Variants in MMP17 observed in about 807,000 individuals in gnomAD.
The protein encoded by MMP17 is matrix metallopeptidase 17.
MMP17 carries 54 observed loss-of-function variants against 49.1 expected under a neutral mutation model. The observed-to-expected ratio is 1.10, with a 90% CI of 0.88 to 1.38. The LOEUF (loss-of-function observed/expected upper bound fraction) is 1.38, where lower values mean the gene tolerates loss of function less well. MMP17 is among the 40% of genes most tolerant of loss of function. The pLI, the probability that MMP17 is intolerant of heterozygous loss-of-function variation, is 0.00. For synonymous variants in MMP17, 397 were observed against 383.1 expected, an observed-to-expected ratio of 1.04 and a Z score of -0.42; for missense variants, 837 against 853.7, an observed-to-expected ratio of 0.98 and a Z score of 0.24.
intron 1 of MMP17, among the ~76,000 whole-genome samples, chr12:131,834,277 C>G (rs966309751): frequency 6.6e-6 from 1 of 152,152 alleles, no homozygotes; most frequent in Non-Finnish European, 1.5e-5. Flanking sequence ...AGCCCCCTCC[C>G]GCCTCCTCCC....
chr12:131,844,726 G>A, intron 6 of MMP17: 1 of 273,058 alleles, frequency 3.7e-6, no homozygotes, highest in Non-Finnish European at 7.2e-6. Context: ...CTGACCTTCT[G>A]TCGCTACAGC....
Position 131,840,732 on chromosome 12 carries a change from T to C in MMP17, c.582T>C (p.His194=), listed in dbSNP as rs1887352078. Residue 194 remains histidine (H), a synonymous_variant, in exon 4 of 10, where the codon CAT becomes CAC. Transcript: ENST00000360564. ...DIQIDFSKAD[H]NDGYPFDGPG... ...AGATCGACTTCTCCAAGGCCGACCA[T>C]AACGACGGCTACCCCTTCGACGGCC... 1.2e-6 allele frequency: 2 copies of C among 1,604,474 alleles called. No homozygotes were observed. Among genetic ancestry groups the C allele is most frequent in the Non-Finnish European group, 1.7e-6 (2 of 1,179,906 alleles).
intron 3 of MMP17, chr12:131,840,264 A>G (rs1887313979): frequency 4.6e-5 from 14 of 307,480 alleles, no homozygotes; most frequent in East Asian, 1.1e-4. Context: ...GAGCAGGGGG[A>G]TGGGGCAGAC....
At chr12:131,840,056 G>A (rs1292191708) in intron 3 of MMP17, 1 of 152,996 alleles carries the variant, frequency 6.5e-6, no homozygotes, top group African/African-American at 2.4e-5. Flanking sequence ...CCAAAGTGCT[G>A]GGGTTACAAG....
Position 131,828,624 on chromosome 12 carries a change from C to A in MMP17, c.130C>A (p.Pro44Thr). 2.5e-6 allele frequency: 2 copies of A among 794,512 alleles called. No individual in the cohort carries two copies. Among genetic ancestry groups the A allele is most frequent in the Non-Finnish European group, 3.1e-6 (2 of 635,384 alleles). The allele number at this position is 794,512 out of a possible 1,614,324, so 49.2% of individuals were successfully genotyped here. A position where few individuals can be genotyped will look rare whatever the true frequency, so the allele number is the denominator to read the frequency against. Residue 44 changes from proline to threonine, a missense_variant, in exon 1 of 10, where the codon CCG (proline) becomes ACG (threonine). Physicochemically the swap from Pro to Thr is conservative, Grantham distance 38. Transcript: ENST00000360564. ...GGGCTGCGCCGCGCCCGCACCCGCG[C>A]CGCGCGCCGAGGACCTCAGCCTGGG... is the stretch of plus-strand genomic sequence containing the variant. The part of the protein sequence containing the change: ...RGGCAAPAPA[P>T]RAEDLSLGVE...
At chr12:131,837,233 C>T (rs961654682) in intron 1 of MMP17, among the ~76,000 whole-genome samples, 3 of 152,356 alleles carry the variant, frequency 2.0e-5, no homozygotes, top group African/African-American at 7.2e-5. Context: ...GACTGCCTTG[C>T]CCCAGGCACA....
At chr12:131,836,564 T>C (rs1021313822) in intron 1 of MMP17, among the ~76,000 whole-genome samples, 11 of 152,006 alleles carry the variant, frequency 7.2e-5, no homozygotes, top group African/African-American at 2.4e-4. Context: ...ACTACTAGTA[T>C]TTATTTTAAA....
At chr12:131,841,316 G>A (rs118090090) in intron 4 of MMP17, among the ~76,000 whole-genome samples, 2,804 of 152,332 alleles carry the variant, frequency 0.018, 33 homozygotes, top group Non-Finnish European at 0.024. Flanking sequence ...CAGGTCATCC[G>A]ACCGACACCT....
At chr12:131,845,675 A>G (rs761509142) in intron 8 of MMP17, among the ~76,000 whole-genome samples, 2 of 152,222 alleles carry the variant, frequency 1.3e-5, no homozygotes, top group Non-Finnish European at 2.9e-5. Flanking sequence ...AACGATGGAA[A>G]GCCCTGCCCT....
intron 4 of MMP17, among the ~76,000 whole-genome samples, chr12:131,841,160 A>G (rs1244911909): frequency 1.3e-5 from 2 of 152,040 alleles, no homozygotes; most frequent in African/African-American, 4.8e-5. Flanking sequence ...GCTCAGTGTC[A>G]CTCCCGCTAA....
chr12:131,841,585 C>A, intron 4 of MMP17, 39 bp from the exon 5 acceptor site: 2 of 1,610,534 alleles, frequency 1.2e-6, no homozygotes, highest in Non-Finnish European at 1.7e-6. Flanking sequence ...GGACAGGGCC[C>A]TTCTTGCCCT....
intron 1 of MMP17, among the ~76,000 whole-genome samples, chr12:131,833,186 CT>C (rs889917953): frequency 5.3e-5 from 8 of 152,238 alleles, no homozygotes; most frequent in African/African-American, 1.9e-4. Flanking sequence ...GCCAGGCACC[CT>C]CCAGCAGGGA....
chr12:131,838,352 AGCGCCGTGGCCCCCGTCAGGTCT>A (rs1887191992), intron 2 of MMP17, 25 bp downstream of exon 2: 1 of 1,609,138 alleles, frequency 6.2e-7, no homozygotes, highest in African/African-American at 1.3e-5. Flanking sequence ...GGGCAGCGGG[AGCGCCGTGGCCCCCGTCAGGTCT>A]GCGCCCGTCG....
chr12:131,830,251 C>A (rs1165106406), intron 1 of MMP17, among the ~76,000 whole-genome samples: 1 of 152,268 alleles, frequency 6.6e-6, no homozygotes, highest in Non-Finnish European at 1.5e-5. Context: ...GTCAGGCGCC[C>A]TCCTCTCGGC....
At chr12:131,838,357 C>A in intron 2 of MMP17, 30 bp downstream of exon 2, 1 of 1,607,812 alleles carries the variant, frequency 6.2e-7, no homozygotes. Flanking sequence ...GCGGGAGCGC[C>A]GTGGCCCCCG....
intron 6 of MMP17, 191 bp from the exon 7 acceptor site, chr12:131,844,927 G>C: frequency 1.7e-6 from 1 of 602,190 alleles, no homozygotes; most frequent in South Asian, 1.9e-5. Context: ...GTAGATCTCG[G>C]CCCCCGCCCG....
At chr12:131,844,156 C>A in intron 6 of MMP17, 75 bp downstream of exon 6, 1 of 1,277,262 alleles carries the variant, frequency 7.8e-7, no homozygotes, top group Non-Finnish European at 1.1e-6. Context: ...ACATTTGCCC[C>A]AAATCGTGGC....
intron 1 of MMP17, among the ~76,000 whole-genome samples, chr12:131,837,718 T>C (rs530751255): frequency 2.0e-5 from 3 of 152,320 alleles, no homozygotes; most frequent in African/African-American, 4.8e-5. Context: ...TTTATTTATT[T>C]ATTCATTTTT....
intron 1 of MMP17, among the ~76,000 whole-genome samples, chr12:131,835,523 C>T (rs930273077): frequency 1.3e-5 from 2 of 152,212 alleles, no homozygotes; most frequent in Non-Finnish European, 2.9e-5. Flanking sequence ...TGCCCCAAAC[C>T]GCCACCGTGA....
Sources: gnomAD v4.1 joint callset for allele counts (sites outside exome capture counted in the v4.1 genomes callset) on GRCh38, gnomAD v4.1.1 for gene constraint, MANE v1.5 for transcripts, NCBI Gene and HGNC (gene_info 2026-07-23, HGNC 2026-07-21) for gene names.